Variants in UGT2B7 observed in about 807,000 individuals in gnomAD.
The protein encoded by UGT2B7 is UDP glucuronosyltransferase family 2 member B7.
Under a neutral mutation model 51.9 loss-of-function variants are expected in UGT2B7, and 51 were observed. That is an observed-to-expected ratio of 0.98 (90% CI 0.78 to 1.24). UGT2B7 has a LOEUF of 1.24. UGT2B7 is among the 50% of genes most tolerant of loss of function. The pLI, the probability that UGT2B7 is intolerant of heterozygous loss-of-function variation, is 0.00. For synonymous variants in UGT2B7, 225 were observed against 211.6 expected (o/e 1.06, Z -0.55); for missense variants, 727 against 628.4 (o/e 1.16, Z -1.68).
chr4:69,056,279 C>A (rs1215635872), intron 1 of UGT2B7, among the ~76,000 whole-genome samples: 1 of 152,054 alleles, frequency 6.6e-6, no homozygotes, highest in African/African-American at 2.4e-5. Context: ...GATACTAGAC[C>A]CCCATCTAAA....
At position 69,108,110 on chromosome 4, in the gene UGT2B7, A is replaced by G. The variant is rs1365790686; in HGVS notation, c.1098A>G (p.Pro366=). The G allele has an allele frequency of 1.2e-6, 2 of 1,613,398 alleles. No individual in the cohort carries two copies. The highest frequency in any genetic ancestry group is 1.3e-5 in the African/African-American group (1 of 74,892). Residue 366 remains proline, a synonymous_variant, in exon 5 of 6, where the codon CCA becomes CCG. Coordinates refer to ENST00000305231, the MANE Select transcript of UGT2B7 (RefSeq NM_001074.4). ...AAATTCATCCAATCCTAGGTCATCC[A>G]AAGACCAGAGCTTTTATAACTCATG... ...WIPQNDLLGH[P]KTRAFITHGG...
At chr4:69,063,236 G>A (rs1718393652) in intron 1 of UGT2B7, among the ~76,000 whole-genome samples, 1 of 148,292 alleles carries the variant, frequency 6.7e-6, no homozygotes, top group Non-Finnish European at 1.5e-5. Context: ...GGAGAATGGC[G>A]TGAACCCGGA....
chr4:69,108,447 C>T (rs538646487), intron 5 of UGT2B7, 125 bp downstream of exon 5: 1 of 1,124,720 alleles, frequency 8.9e-7, no homozygotes, highest in East Asian at 2.7e-5. Context: ...TTTAACCAAT[C>T]TGAAATCTGC....
At position 69,078,303 on chromosome 4, in the gene UGT2B7, C is replaced by T. The variant is rs370420131; in HGVS notation, c.-158-11169C>T. ...GCCAGGTTTTGGTATCAGGATGATG[C>T]TAGCCTCATAAAATGAGTTAGGGAG... On this transcript the variant is annotated intron_variant, in intron 1 of 5. Coordinates refer to the UGT2B7 transcript ENST00000502942. 2.5e-4 allele frequency among the ~76,000 whole-genome samples: 38 copies of T among 152,228 alleles called. No individual in the cohort carries two copies. In the South Asian group the frequency reaches 7.5e-3, roughly 30 times the overall value.
In UGT2B7 at chr4:69,112,503, C is replaced by A; in HGVS notation, c.1357C>A (p.Pro453Thr). The change falls in exon 6 of 6, where the codon CCA becomes ACA. Residue 453 changes from proline to threonine, a missense_variant. Pro to Thr is a conservative substitution (Grantham distance 38). Transcript: ENST00000305231. Reference protein sequence around the residue: ...MKLSRIQHDQPVKPLDRAVFW... With the variant: ...MKLSRIQHDQTVKPLDRAVFW... Reference sequence around the variant, plus strand: ...ATTATCAAGAATTCAACATGATCAACCAGTGAAGCCCCTGGATCGAGCAGT... The same window carrying A: ...ATTATCAAGAATTCAACATGATCAAACAGTGAAGCCCCTGGATCGAGCAGT... 1 of 1,613,870 alleles carries A rather than the reference C, an allele frequency of 6.2e-7. No individual in the cohort carries two copies. Among genetic ancestry groups the A allele is most frequent in the Non-Finnish European group, 8.5e-7 (1 of 1,179,850 alleles).
chr4:69,073,176 C>T (rs1447074972), intron 1 of UGT2B7, among the ~76,000 whole-genome samples: 1 of 152,088 alleles, frequency 6.6e-6, no homozygotes, highest in East Asian at 1.9e-4. Context: ...ATACCCTTAG[C>T]CTATCACCAC....
At chr4:69,106,453 A>G (rs920503545) in intron 3 of UGT2B7, among the ~76,000 whole-genome samples, 12 of 152,126 alleles carry the variant, frequency 7.9e-5, no homozygotes, top group Non-Finnish European at 2.9e-5. Context: ...ATGACTGCAT[A>G]ATATTCTGTA....
Position 69,097,260 on chromosome 4 carries a change from C to T in UGT2B7, c.721+19C>T. On this transcript the variant is annotated intron_variant, in intron 1 of 5. Coordinates refer to ENST00000305231, the MANE Select transcript of UGT2B7 (RefSeq NM_001074.4). ...GTTCTAGGTAAGTATTTTTTTCAAT[C>T]AGTAACATGAAGCTCTAACTTATTT... 6.3e-7 allele frequency: 1 copy of T among 1,598,160 alleles called. No homozygotes were observed. Among genetic ancestry groups the T allele is most frequent in the Non-Finnish European group, 8.5e-7 (1 of 1,175,434 alleles).
At chr4:69,082,499 A>C (rs1157114942) in intron 1 of UGT2B7, among the ~76,000 whole-genome samples, 1 of 152,096 alleles carries the variant, frequency 6.6e-6, no homozygotes, top group African/African-American at 2.4e-5. Context: ...ATTATCATTC[A>C]TGTGAAGAAG....
intron 1 of UGT2B7, among the ~76,000 whole-genome samples, 197 bp from the exon 2 acceptor site, chr4:69,098,343 G>C (rs1719307410): frequency 1.3e-5 from 2 of 151,974 alleles, no homozygotes; most frequent in Admixed American, 6.6e-5. Context: ...CTACTACTTT[G>C]TCTTTCTTAT....
At chr4:69,055,385 T>C (rs575365170) in intron 1 of UGT2B7, among the ~76,000 whole-genome samples, 4 of 147,084 alleles carry the variant, frequency 2.7e-5, no homozygotes, top group Admixed American at 2.0e-4. Flanking sequence ...CCTGCATGAG[T>C]AGGAGCTGCA....
chr4:69,098,465 T>C, intron 1 of UGT2B7, 75 bp from the exon 2 acceptor site: 1 of 1,555,034 alleles, frequency 6.4e-7, no homozygotes, highest in Non-Finnish European at 8.7e-7. Flanking sequence ...GCCTACATTA[T>C]TCTAACCCCT....
chr4:69,100,046 T>C (rs779893725), intron 2 of UGT2B7, among the ~76,000 whole-genome samples: 4 of 152,020 alleles, frequency 2.6e-5, no homozygotes, highest in African/African-American at 4.8e-5. Flanking sequence ...AACTTAGTGT[T>C]CACTTGATCT....
chr4:69,062,810 G>A (rs1182522162), intron 1 of UGT2B7, among the ~76,000 whole-genome samples: 2 of 152,124 alleles, frequency 1.3e-5, no homozygotes, highest in African/African-American at 4.8e-5. Flanking sequence ...TTGAAGAATC[G>A]TCATCAGATG....
intron 3 of UGT2B7, among the ~76,000 whole-genome samples, chr4:69,104,574 T>G (rs906982945): frequency 6.6e-6 from 1 of 152,164 alleles, no homozygotes; most frequent in African/African-American, 2.4e-5. Flanking sequence ...TTAACGATGC[T>G]AAAATAATAC....
At chr4:69,068,504 T>C (rs754343873) in intron 1 of UGT2B7, among the ~76,000 whole-genome samples, 7 of 152,038 alleles carry the variant, frequency 4.6e-5, no homozygotes, top group Non-Finnish European at 1.0e-4. Flanking sequence ...ATACATTAAT[T>C]TCAGTTATGC....
intron 1 of UGT2B7, among the ~76,000 whole-genome samples, chr4:69,062,648 C>G (rs951658493): frequency 6.6e-6 from 1 of 152,134 alleles, no homozygotes; most frequent in Non-Finnish European, 1.5e-5. Flanking sequence ...CCGAATGATC[C>G]TGCAATGAGA....
At chr4:69,058,898 C>T (rs1718277870) in intron 1 of UGT2B7, among the ~76,000 whole-genome samples, 1 of 152,156 alleles carries the variant, frequency 6.6e-6, no homozygotes, top group South Asian at 2.1e-4. Flanking sequence ...CCAGTATGGA[C>T]AGGGATTTGA....
At position 69,097,115 on chromosome 4, in the gene UGT2B7, T is replaced by G. The variant is rs746674721; in HGVS notation, c.595T>G (p.Ser199Ala). The change falls in exon 1 of 6, where the codon TCA becomes GCA. Residue 199 changes from serine (S) to alanine (A), a missense_variant. By Grantham distance (99) the Ser-to-Ala change is moderately conservative. Transcript: ENST00000305231. ...TCCTTCCTACGTACCTGTTGTTATG[T>G]CAGAATTAACTGATCAAATGACTTT... ...FPPSYVPVVM[S>A]ELTDQMTFME... 2.5e-6 allele frequency: 4 copies of G among 1,613,648 alleles called. No individual in the cohort carries two copies. The East Asian group carries it at 8.9e-5, about 36-fold the overall frequency.
Sources: allele counts gnomAD v4.1 joint callset (sites outside exome capture counted in the v4.1 genomes callset), GRCh38; gene constraint gnomAD v4.1.1; transcripts MANE v1.5; gene names NCBI Gene and HGNC (gene_info 2026-07-23, HGNC 2026-07-21).